SYNE1: variants seen among roughly 807,000 people sequenced by gnomAD.
SYNE1 encodes spectrin repeat containing nuclear envelope protein 1.
A neutral mutation model predicts 1,111.0 loss-of-function variants in SYNE1; 616 were observed. The observed-to-expected ratio is 0.55, with a 90% CI of 0.52 to 0.59. The LOEUF (loss-of-function observed/expected upper bound fraction) is 0.59. Among genes scored for constraint, SYNE1 ranks in the 20% least tolerant of loss-of-function variants. The pLI is 0.00. For synonymous variants in SYNE1, 3,855 were observed against 3,825.8 expected (o/e 1.01, Z -0.28); for missense variants, 10,006 against 10,417.0 (o/e 0.96, Z 1.72).
intron 59 of SYNE1, among the ~76,000 whole-genome samples, chr6:152,370,342 T>C (rs749982506): frequency 5.3e-5 from 8 of 152,148 alleles, no homozygotes; most frequent in Non-Finnish European, 7.3e-5. Flanking sequence ...AGACACACCA[T>C]AGTACCTTAC....
At chr6:152,441,082 T>G in intron 32 of SYNE1, 48 bp downstream of exon 32, 2 of 1,608,140 alleles carry the variant, frequency 1.2e-6, no homozygotes, top group Non-Finnish European at 1.7e-6. Context: ...TTTTGTTTGT[T>G]TTGCTTTGTT....
chr6:152,216,497 G>A (rs1220038780), intron 121 of SYNE1, among the ~76,000 whole-genome samples: 1 of 152,164 alleles, frequency 6.6e-6, no homozygotes, highest in Non-Finnish European at 1.5e-5. Context: ...TTAGTGAGGA[G>A]TGAGCTGACG....
intron 3 of SYNE1, among the ~76,000 whole-genome samples, chr6:152,596,098 TAAAAAAAAAAAAAAAAA>T (rs71017542): frequency 1.1e-4 from 2 of 18,590 alleles, no homozygotes. Flanking sequence ...AAGGGCAATC[TAAAAAAAAAAAAAAAAA>T]AAAAAAAAAA....
chr6:152,439,555 A>G (rs921555058), intron 32 of SYNE1, among the ~76,000 whole-genome samples: 2 of 152,202 alleles, frequency 1.3e-5, no homozygotes, highest in Admixed American at 1.3e-4. Context: ...AAATTAAAAT[A>G]ATGTTCTATT....
At chr6:152,572,310 A>G (rs1264137993) in intron 3 of SYNE1, among the ~76,000 whole-genome samples, 1 of 152,128 alleles carries the variant, frequency 6.6e-6, no homozygotes, top group Non-Finnish European at 1.5e-5. Flanking sequence ...AGTTCTTCTC[A>G]CTATTCTTAA....
At position 152,244,420 on chromosome 6, in the gene SYNE1, G is replaced by C. The variant is rs1463392798; in HGVS notation, c.19692+117C>G. 7.9e-6 allele frequency: 12 copies of C among 1,512,728 alleles called. No homozygotes were observed. The African/African-American group carries it at 1.1e-4, about 14-fold the overall frequency. 93.7% of individuals were successfully genotyped at this position (1,512,728 alleles called of 1,614,324 possible). A position where few individuals can be genotyped will look rare whatever the true frequency, so the allele number is the denominator to read the frequency against. On this transcript the variant is annotated intron_variant, in intron 106 of 145. Transcript: ENST00000367255. ...TTTCTAAGAGTTGCTTGGTAGAAAGGTTAGGACCTAAGTGGCGTGAATTTT... is the reference window on the plus strand; with the variant it reads ...TTTCTAAGAGTTGCTTGGTAGAAAGCTTAGGACCTAAGTGGCGTGAATTTT...
intron 90 of SYNE1, 32 bp from the exon 91 acceptor site, chr6:152,308,664 C>T: frequency 6.3e-7 from 1 of 1,587,442 alleles, no homozygotes. Context: ...GAAAGATAGA[C>T]AGTTTTTTTT....
chr6:152,563,023 T>C (rs973409781), intron 3 of SYNE1, among the ~76,000 whole-genome samples: 2 of 151,652 alleles, frequency 1.3e-5, no homozygotes, highest in Non-Finnish European at 2.9e-5. Flanking sequence ...ACGAAGTATT[T>C]CAACTCAAAT....
intron 142 of SYNE1, chr6:152,133,744 T>C (rs2056407417): frequency 7.5e-6 from 4 of 534,760 alleles, no homozygotes; most frequent in South Asian, 6.2e-5. Flanking sequence ...TATTGGAAGG[T>C]TCAAATTAGT....
At chr6:152,147,646 G>T (rs2059749080) in intron 137 of SYNE1, 2 of 254,648 alleles carry the variant, frequency 7.9e-6, no homozygotes, top group South Asian at 4.6e-5. Context: ...CTGCTCCATG[G>T]TTTCTTTCCC....
At chr6:152,480,436 G>A (rs191187690) in intron 14 of SYNE1, among the ~76,000 whole-genome samples, 13 of 152,274 alleles carry the variant, frequency 8.5e-5, no homozygotes, top group South Asian at 6.2e-4. Context: ...CAGGAGAATC[G>A]CTTGAACCTG....
Position 152,219,074 on chromosome 6 carries a change from C to A in SYNE1, c.21973G>T (p.Asp7325Tyr), listed in dbSNP as rs769497327. 1.2e-6 allele frequency: 2 copies of A among 1,614,140 alleles called. No individual in the cohort carries two copies. Among genetic ancestry groups the A allele is most frequent in the Admixed American group, 3.3e-5 (2 of 60,012 alleles). ...AAGTGTTGACTCAAAGAGAGTTGAT[C>A]CGATTGAATAGCTGATGCTGCGGAA... is the stretch of plus-strand genomic sequence containing the variant. The part of the protein sequence containing the change: ...DASAASAIQS[D>Y]QLSLSQHLCA... The change falls in exon 120 of 146, where the codon GAT (aspartate) becomes TAT (tyrosine). Residue 7325 changes from aspartate (D) to tyrosine (Y), a missense_variant. Coordinates refer to ENST00000367255, the MANE Select transcript of SYNE1 (RefSeq NM_182961.4).
intron 6 of SYNE1, among the ~76,000 whole-genome samples, chr6:152,516,194 AAG>A (rs2099110874): frequency 6.6e-6 from 1 of 152,220 alleles, no homozygotes. Context: ...ACAGAAGTGC[AAG>A]AGAGTGTGGC....
chr6:152,257,261 G>A (rs371637549), intron 101 of SYNE1, among the ~76,000 whole-genome samples: 10 of 152,188 alleles, frequency 6.6e-5, no homozygotes, highest in South Asian at 6.2e-4. Context: ...GGCCACCCAC[G>A]ATGGCTCATG....
chr6:152,431,030 C>T (rs949384810), intron 34 of SYNE1, among the ~76,000 whole-genome samples: 2 of 152,084 alleles, frequency 1.3e-5, no homozygotes, highest in East Asian at 1.9e-4. Flanking sequence ...ATTATGTTTA[C>T]GTTATGAATT....
At chr6:152,584,678 C>T (rs1008933704) in intron 3 of SYNE1, among the ~76,000 whole-genome samples, 1 of 152,198 alleles carries the variant, frequency 6.6e-6, no homozygotes, top group Non-Finnish European at 1.5e-5. Flanking sequence ...GCTGGGGTTA[C>T]AGGCATGAGC....
chr6:152,505,514 G>T, intron 8 of SYNE1, 117 bp from the exon 9 acceptor site: 1 of 1,130,320 alleles, frequency 8.8e-7, no homozygotes, highest in Non-Finnish European at 1.3e-6. Flanking sequence ...AGCTGTATCA[G>T]TTCATTGTAT....
chr6:152,424,884 A>G (rs2098328293), intron 39 of SYNE1, among the ~76,000 whole-genome samples: 1 of 152,216 alleles, frequency 6.6e-6, no homozygotes, highest in African/African-American at 2.4e-5. Flanking sequence ...TTTCTGGTAT[A>G]TTGGAAAGGT....
At chr6:152,235,840 G>GA (rs2083893709) in intron 110 of SYNE1, among the ~76,000 whole-genome samples, 1 of 152,094 alleles carries the variant, frequency 6.6e-6, no homozygotes, top group Non-Finnish European at 1.5e-5. Context: ...CTCCCAGGCT[G>GA]AAGCAATCCT....
Sources: gnomAD v4.1 joint callset for allele counts (sites outside exome capture counted in the v4.1 genomes callset) on GRCh38, gnomAD v4.1.1 for gene constraint, MANE v1.5 for transcripts, NCBI Gene and HGNC (gene_info 2026-07-23, HGNC 2026-07-21) for gene names.